DENND6B: variants seen among roughly 807,000 people sequenced by gnomAD.
DENND6B encodes DENN domain containing 6B, also known as protein DENND6B.
In DENND6B, 73 loss-of-function variants were observed where a neutral mutation model predicts 85.1. That is an observed-to-expected ratio of 0.86 (90% CI 0.71 to 1.04). The LOEUF is 1.04. Among genes scored for constraint, DENND6B ranks in the 50% least tolerant of loss-of-function variants. The pLI is 0.00. For missense variants in DENND6B, 715 were observed against 785.8 expected, an observed-to-expected ratio of 0.91 and a Z score of 1.08; for synonymous variants, 357 against 329.3, an observed-to-expected ratio of 1.08 and a Z score of -0.91.
chr22:50,312,884 G>T (rs2068095249), intron 17 of DENND6B, 115 bp downstream of exon 17: 1 of 595,154 alleles, frequency 1.7e-6, no homozygotes, highest in Non-Finnish European at 2.7e-6. Flanking sequence ...TGACCCTGGG[G>T]ATTGACAGGC....
At position 50,326,998 on chromosome 22, in the gene DENND6B, C is replaced by T. The variant is rs1210840435; in HGVS notation, c.-10G>A. 12 of 1,181,582 alleles carry T rather than the reference C, an allele frequency of 1.0e-5. No individual in the cohort carries two copies. The highest frequency in any genetic ancestry group is 1.3e-5 in the Non-Finnish European group (12 of 956,810). 73.2% of individuals were successfully genotyped at this position (1,181,582 alleles called of 1,614,324 possible). On this transcript the variant is annotated 5_prime_UTR_variant, in exon 1 of 20. Transcript: ENST00000413817. ...CCAACAGCGCGTCCATGGCGGCGGC[C>T]GCGGGTTGCCGGGGAAACGCGGGCG...
intron 1 of DENND6B, among the ~76,000 whole-genome samples, chr22:50,325,023 C>A (rs1047820826): frequency 6.6e-6 from 1 of 152,148 alleles, no homozygotes; most frequent in Non-Finnish European, 1.5e-5. Context: ...AAAACGACCT[C>A]GATCTTCCCT....
At chr22:50,319,347 C>T in intron 1 of DENND6B, 4 of 985,422 alleles carry the variant, frequency 4.1e-6, no homozygotes, top group Non-Finnish European at 4.8e-6. Flanking sequence ...ACTCCCACCT[C>T]CCCAGGCCCC....
chr22:50,318,923 C>T (rs1306331405), intron 2 of DENND6B, 34 bp from the exon 3 acceptor site: 2 of 1,610,978 alleles, frequency 1.2e-6, no homozygotes, highest in Admixed American at 1.7e-5. Flanking sequence ...AGGGCCGACC[C>T]ACTCCTGGGT....
At chr22:50,316,844 T>TCAGTGAGGGGCAG in intron 5 of DENND6B, 2 of 954,290 alleles carry the variant, frequency 2.1e-6, no homozygotes, top group Non-Finnish European at 2.7e-6. Context: ...CCTCCAGCCA[T>TCAGTGAGGGGCAG]CAGTGAGGGG....
At chr22:50,315,615 C>T in intron 9 of DENND6B, 99 bp downstream of exon 9, 1 of 1,354,560 alleles carries the variant, frequency 7.4e-7, no homozygotes, top group Non-Finnish European at 1.0e-6. Context: ...GACACACACG[C>T]ACACACATAC....
rs972967265 is a variant in DENND6B, at chr22:50,318,029, G to C, written c.260-9C>G. The C allele has an allele frequency of 6.2e-7, 1 of 1,611,524 alleles. No individual in the cohort carries two copies. Among genetic ancestry groups the C allele is most frequent in the African/African-American group, 1.3e-5 (1 of 74,894 alleles). ...AGTGTCTCCAAGGCAGCCTAAGAAGGGGCAGCCCCACCACACGGGTCAAGG... is the reference window on the plus strand; with the variant it reads ...AGTGTCTCCAAGGCAGCCTAAGAAGCGGCAGCCCCACCACACGGGTCAAGG... On this transcript the variant is annotated splice_polypyrimidine_tract_variant and intron_variant, in intron 3 of 19. Coordinates refer to ENST00000413817, the MANE Select transcript of DENND6B (RefSeq NM_001001794.4).
At position 50,313,216 on chromosome 22, in the gene DENND6B, A is replaced by G. The variant is rs540650478; in HGVS notation, c.1348-108T>C. 558 of 1,217,170 alleles carry G rather than the reference A, an allele frequency of 4.6e-4. 2 individuals are homozygous for G. The African/African-American group carries it at 7.2e-3, about 16-fold the overall frequency. The allele number at this position is 1,217,170 out of a possible 1,614,324, so 75.4% of individuals were successfully genotyped here. On this transcript the variant is annotated intron_variant, in intron 16 of 19. Coordinates refer to ENST00000413817, the MANE Select transcript of DENND6B (RefSeq NM_001001794.4). ...CCACTTCTGAAGACCCCCAGCCCCC[A>G]CCCTGCCTGGCACAGATCCCAGGAC...
rs1380314674 is a variant in DENND6B, at chr22:50,326,958, G to C, written c.31C>G (p.Arg11Gly). The change falls in exon 1 of 20, where the codon CGG (arginine) becomes GGG (glycine). Residue 11 changes from arginine (R) to glycine (G), a missense_variant. Physicochemically the swap from Arg to Gly is moderately radical, Grantham distance 125. Transcript: ENST00000413817. The stretch of plus-strand genomic sequence containing the variant: ...GCCGCGCCCAGGCAGCCGCGAGCCC[G>C]GCGAGGCCCTGTGCCCAACAGCGCG... MDALLGTGPR[R>G]ARGCLGAAGP... is the part of the protein sequence containing the mutation. 2 of 1,268,158 alleles carry C rather than the reference G, an allele frequency of 1.6e-6. No individual in the cohort carries two copies. The highest frequency in any genetic ancestry group is 6.6e-5 in the East Asian group (2 of 30,130). The allele number at this position is 1,268,158 out of a possible 1,614,324, so 78.6% of individuals were successfully genotyped here.
chr22:50,316,607 G>A (rs1473271840), intron 5 of DENND6B, 132 bp from the exon 6 acceptor site: 8 of 1,538,930 alleles, frequency 5.2e-6, no homozygotes, highest in Non-Finnish European at 6.1e-6. Context: ...AACTTCACAG[G>A]ACAGCTGCCC....
In DENND6B at chr22:50,316,398, A is replaced by G. The variant is rs1170239464; in HGVS notation, c.531T>C (p.Phe177=). Residue 177 remains phenylalanine (F), a synonymous_variant, in exon 6 of 20, where the codon TTT becomes TTC. Coordinates refer to ENST00000413817, the MANE Select transcript of DENND6B (RefSeq NM_001001794.4). The part of the protein sequence containing the change: ...ALLSLIAPEY[F]DKLAPCLEAV... The stretch of plus-strand genomic sequence containing the variant: ...CTTCCAGGCAGGGCGCCAGCTTGTC[A>G]AAGTACTCGGGGGCGATGAGGCTTA... 5 of 1,583,916 alleles carry G rather than the reference A, an allele frequency of 3.2e-6. No homozygotes were observed. The highest frequency in any genetic ancestry group is 3.4e-6 in the Non-Finnish European group (4 of 1,166,694).
chr22:50,314,215 G>T lies in DENND6B; in HGVS notation c.1130C>A (p.Thr377Asn). ...KKPSRLKTLD[T>N]KPGLYTAYTA... ...TCGAGGGGAGCACAGACCTGGCTTGGTGTCCAGGGTCTTCAACCTTGAAGG... is the reference window on the plus strand; with the variant it reads ...TCGAGGGGAGCACAGACCTGGCTTGTTGTCCAGGGTCTTCAACCTTGAAGG... The change falls in exon 13 of 20, where the codon ACC becomes AAC. Residue 377 changes from threonine to asparagine, a missense_variant. Thr to Asn is a moderately conservative substitution (Grantham distance 65). Coordinates refer to ENST00000413817, the MANE Select transcript of DENND6B (RefSeq NM_001001794.4). 6.2e-7 allele frequency: 1 copy of T among 1,605,614 alleles called. No individual in the cohort carries two copies. The highest frequency in any genetic ancestry group is 8.5e-7 in the Non-Finnish European group (1 of 1,178,612).
At chr22:50,318,815 T>C (rs540372927) in intron 3 of DENND6B, 32 bp downstream of exon 3, 11 of 1,611,730 alleles carry the variant, frequency 6.8e-6, no homozygotes, top group Admixed American at 5.0e-5. Flanking sequence ...GCTGGCTTCA[T>C]GTCCAGCCCC....
chr22:50,324,982 C>T (rs2042152237), intron 1 of DENND6B, among the ~76,000 whole-genome samples: 1 of 152,204 alleles, frequency 6.6e-6, no homozygotes, highest in Non-Finnish European at 1.5e-5. Context: ...CTGAGTTGCA[C>T]AGTGGGTGCT....
In DENND6B at chr22:50,309,742, G is replaced by GATA. The variant is rs1421997695; in HGVS notation, c.*2394_*2396dup. 6.6e-6 allele frequency: 1 copy of GATA among 152,324 alleles called. No homozygotes were observed. Among genetic ancestry groups the GATA allele is most frequent in the African/African-American group, 2.4e-5 (1 of 41,452 alleles). The allele number at this position is 152,324 out of a possible 1,614,324, so 9.4% of individuals were successfully genotyped here. On this transcript the variant is annotated 3_prime_UTR_variant, in exon 20 of 20. Coordinates refer to ENST00000413817, the MANE Select transcript of DENND6B (RefSeq NM_001001794.4). ...AGGGAAATCTGCTTGTGCATTTCTG[G>GATA]ATACACAGTGGCCAGGGTCCCTGGG...
rs577970395 is a variant in DENND6B at position 50,326,935 on chromosome 22, C to T, written c.54G>A (p.Ala18=). 9.1e-5 allele frequency: 118 copies of T among 1,302,476 alleles called. No homozygotes were observed. The East Asian group carries it at 2.1e-3, about 24-fold the overall frequency. 80.7% of individuals were successfully genotyped at this position (1,302,476 alleles called of 1,614,324 possible). ...CGCGACCTGAAGACGTGGGTCCAGC[C>T]GCGCCCAGGCAGCCGCGAGCCCGGC... is the stretch of plus-strand genomic sequence containing the variant. ...GPRRARGCLG[A]AGPTSSGRAA... is the part of the protein sequence containing the mutation. Residue 18 remains alanine, a synonymous_variant, in exon 1 of 20, where the codon GCG becomes GCA. Transcript: ENST00000413817.
chr22:50,325,503 ATTTCTGTATTTTTAGTGGAGATGTGG>A (rs1472030898), intron 1 of DENND6B, among the ~76,000 whole-genome samples: 5 of 151,710 alleles, frequency 3.3e-5, no homozygotes, highest in Admixed American at 2.0e-4. Context: ...CGCCCGGCTA[ATTTCTGTATTTTTAGTGGAGATGTGG>A]TTTCACCATG....
chr22:50,323,721 C>CTTTTTTTTTTTT (rs146060526), intron 1 of DENND6B, among the ~76,000 whole-genome samples: 3 of 104,630 alleles, frequency 2.9e-5, no homozygotes, highest in Non-Finnish European at 1.8e-5. Flanking sequence ...CACGCCTAGC[C>CTTTTTTTTTTTT]TTTTTTTTTT....
chr22:50,318,807 T>G (rs370503420), intron 3 of DENND6B, 40 bp downstream of exon 3: 31 of 1,610,204 alleles, frequency 1.9e-5, no homozygotes, highest in Non-Finnish European at 2.5e-5. Context: ...GATGCCCAGC[T>G]GGCTTCATGT....
Sources: gnomAD v4.1 joint callset for allele counts (sites outside exome capture counted in the v4.1 genomes callset) on GRCh38, gnomAD v4.1.1 for gene constraint, MANE v1.5 for transcripts, NCBI Gene and HGNC (gene_info 2026-07-23, HGNC 2026-07-21) for gene names.